MARCO: variants seen among roughly 807,000 people sequenced by gnomAD.
MARCO encodes the protein macrophage receptor with collagenous structure.
Under a neutral mutation model 70.0 loss-of-function variants are expected in MARCO, and 72 were observed. The observed-to-expected ratio is 1.03, with a 90% CI of 0.85 to 1.25. The LOEUF is 1.25. Among genes scored for constraint, MARCO ranks in the 50% most tolerant of loss-of-function variants. MARCO has a pLI of 0.00. For missense variants in MARCO, 696 were observed against 659.3 expected, an observed-to-expected ratio of 1.06 and a Z score of -0.61; for synonymous variants, 273 against 243.1, an observed-to-expected ratio of 1.12 and a Z score of -1.14.
chr2:118,976,465 C>A (rs1346697261), intron 6 of MARCO, among the ~76,000 whole-genome samples: 2 of 152,066 alleles, frequency 1.3e-5, no homozygotes, highest in African/African-American at 2.4e-5. Context: ...CACTTTGCCT[C>A]CTGGATCCCT....
intron 1 of MARCO, chr2:118,952,478 G>A (rs1049950268): frequency 3.9e-5 from 6 of 152,378 alleles, no homozygotes; most frequent in African/African-American, 1.4e-4. Context: ...CCATCCAGCA[G>A]TAGGACTTGT....
In MARCO at chr2:118,957,227, A is replaced by T. The variant is rs141152448; in HGVS notation, c.98-11933A>T. Among the ~76,000 whole-genome samples the T allele has an allele frequency of 5.6e-3, 854 of 152,172 alleles. 2 individuals carry two copies. Among genetic ancestry groups the T allele is most frequent in the Non-Finnish European group, 8.9e-3 (605 of 67,940 alleles). On this transcript the variant is annotated intron_variant, in intron 1 of 16. Transcript: ENST00000327097. ...GTTCTTTAAAATATAAACAAAATTG[A>T]TAGACCGTTAACAAGATAAACGAAG...
In MARCO at chr2:118,981,674, C is replaced by T. The variant is rs1455583270; in HGVS notation, c.901+18C>T. ...AGATCAAGGTAAGAACTACAGGAATCTGGGCATCATCCCAGCTACGACTGT... is the reference window on the plus strand; with the variant it reads ...AGATCAAGGTAAGAACTACAGGAATTTGGGCATCATCCCAGCTACGACTGT... On this transcript the variant is annotated intron_variant, in intron 10 of 16. Transcript: ENST00000327097. 6.2e-7 allele frequency: 1 copy of T among 1,611,870 alleles called. No homozygotes were observed. Among genetic ancestry groups the T allele is most frequent in the Non-Finnish European group, 8.5e-7 (1 of 1,178,314 alleles).
chr2:118,992,349 C>A, intron 14 of MARCO, 83 bp from the exon 15 acceptor site: 1 of 1,154,130 alleles, frequency 8.7e-7, no homozygotes, highest in Non-Finnish European at 1.3e-6. Context: ...CAACCCTCCA[C>A]CCGCTCCCCA....
At chr2:118,952,805 A>T (rs923748466) in intron 1 of MARCO, 1 of 152,170 alleles carries the variant, frequency 6.6e-6, no homozygotes, top group Non-Finnish European at 1.5e-5. Context: ...ATGCCCCCGG[A>T]GGAGAATGTA....
rs369018231 is a variant in MARCO, at chr2:118,942,371, T to C, written c.71T>C (p.Ile24Thr). 2.9e-5 allele frequency: 46 copies of C among 1,613,626 alleles called. No homozygotes were observed. Among genetic ancestry groups the C allele is most frequent in the Non-Finnish European group, 3.9e-5 (46 of 1,179,628 alleles). Residue 24 changes from isoleucine to threonine, a missense_variant, in exon 1 of 17, where the codon ATT (isoleucine) becomes ACT (threonine). Around this residue, in one of 3 missense-constraint regions of MARCO, gnomAD observed 605 missense variants for 537.6 expected, o/e 1.13. Coordinates refer to ENST00000327097, the MANE Select transcript of MARCO (RefSeq NM_006770.4). ...ACCCAACAAGCTGCTTTTCACCAAA[T>C]TGCAATGGAGCCTTTCGAAATCAAT... ...SETQQAAFHQ[I>T]AMEPFEINVP... is the part of the protein sequence containing the mutation.
intron 8 of MARCO, among the ~76,000 whole-genome samples, chr2:118,979,128 C>A (rs369574214): frequency 6.6e-5 from 10 of 152,276 alleles, no homozygotes; most frequent in Admixed American, 4.6e-4. Context: ...AACTGGGAAG[C>A]CTTGCCCTCA....
intron 8 of MARCO, among the ~76,000 whole-genome samples, chr2:118,981,109 C>G (rs1231772552): frequency 6.6e-6 from 1 of 152,312 alleles, no homozygotes; most frequent in East Asian, 1.9e-4. Context: ...GACACTAAAA[C>G]AAGCCAGACA....
intron 2 of MARCO, among the ~76,000 whole-genome samples, chr2:118,969,518 A>G (rs773479676): frequency 7.8e-4 from 118 of 152,228 alleles, no homozygotes; most frequent in Non-Finnish European, 1.2e-3. Flanking sequence ...CTAAGCAGTG[A>G]AAGACATCAT....
In MARCO at chr2:118,953,555, G is replaced by T. The variant is rs1271309098; in HGVS notation, c.97+11158G>T. Among the ~76,000 whole-genome samples, 7 of 152,256 alleles carry T rather than the reference G, an allele frequency of 4.6e-5. No individual in the cohort carries two copies. In the South Asian group the frequency reaches 1.2e-3, roughly 27 times the overall value. ...AAAGTTTTCTGGAGGTGGGGGGAAC[G>T]ATGGTGGATGAGAGGCGGGACTAGA... is the stretch of plus-strand genomic sequence containing the variant. On this transcript the variant is annotated intron_variant, in intron 1 of 16. Coordinates refer to ENST00000327097, the MANE Select transcript of MARCO (RefSeq NM_006770.4).
At chr2:118,946,573 G>A (rs1427019791) in intron 1 of MARCO, among the ~76,000 whole-genome samples, 1 of 152,126 alleles carries the variant, frequency 6.6e-6, no homozygotes, top group Non-Finnish European at 1.5e-5. Flanking sequence ...TTCACCCACT[G>A]AAGGACATTT....
chr2:118,990,565 C>A (rs769161731), intron 12 of MARCO, 24 bp from the exon 13 acceptor site: 2 of 1,565,522 alleles, frequency 1.3e-6, no homozygotes, highest in African/African-American at 1.3e-5. Context: ...CTCCTCCCCC[C>A]CCCCTTTTTT....
intron 16 of MARCO, 122 bp downstream of exon 16, chr2:118,993,422 C>A: frequency 2.0e-6 from 2 of 990,154 alleles, no homozygotes; most frequent in Non-Finnish European, 1.5e-6. Context: ...TTGGTCCAAG[C>A]AACCAAAAAG....
rs201264561 is a variant in MARCO, at chr2:118,970,343, G to T, written c.424+5G>T. The T allele has an allele frequency of 4.8e-5, 77 of 1,606,444 alleles. 1 individual carries two copies. In the Admixed American group the frequency reaches 9.8e-4, roughly 20 times the overall value. ...ACAACTTCACTCAGAACCCAGGTTTGGCCTCCTCCCCTCTGGGTCAGGACT... is the reference window on the plus strand; with the variant it reads ...ACAACTTCACTCAGAACCCAGGTTTTGCCTCCTCCCCTCTGGGTCAGGACT... On this transcript the variant is annotated splice_donor_5th_base_variant and intron_variant, in intron 3 of 16. Coordinates refer to ENST00000327097, the MANE Select transcript of MARCO (RefSeq NM_006770.4).
Position 118,969,549 on chromosome 2 carries a change from A to G in MARCO, c.199+288A>G, listed in dbSNP as rs147784395. 6.4e-4 allele frequency among the ~76,000 whole-genome samples: 98 copies of G among 152,354 alleles called. 3 individuals are homozygous for G. The East Asian group carries it at 0.019, about 29-fold the overall frequency. On this transcript the variant is annotated intron_variant, in intron 2 of 16. Transcript: ENST00000327097. ...ATCATAATTTCACACGGGGGATGACACACACTTCTGACATCTAAGACTCCC... is the reference window on the plus strand; with the variant it reads ...ATCATAATTTCACACGGGGGATGACGCACACTTCTGACATCTAAGACTCCC...
rs756644380 is a variant in MARCO at position 118,981,471 on chromosome 2, G to T, written c.829G>T (p.Gly277Trp). The T allele has an allele frequency of 1.3e-5, 20 of 1,598,668 alleles. No individual in the cohort carries two copies. Among genetic ancestry groups the T allele is most frequent in the Non-Finnish European group, 1.7e-5 (20 of 1,176,626 alleles). The change falls in exon 9 of 17, where the codon GGG becomes TGG. Residue 277 changes from glycine to tryptophan, a missense_variant. By Grantham distance (184) the Gly-to-Trp change is radical. This residue lies in a region of MARCO where 605 missense variants were observed against 537.6 expected (regional missense o/e 1.13). Transcript: ENST00000327097. ...GGTCATGGGGCCTCCTGGAGCCCAG[G>T]GGAGTAAAGGTGACTTCGGGAGGCC... ...AGVMGPPGAQ[G>W]SKGDFGRPGP...
At chr2:118,946,335 CA>C (rs1168249111) in intron 1 of MARCO, among the ~76,000 whole-genome samples, 1 of 152,142 alleles carries the variant, frequency 6.6e-6, no homozygotes, top group Non-Finnish European at 1.5e-5. Flanking sequence ...ACTCCCCCAC[CA>C]GCAGTCATCA....
chr2:118,981,775 GT>G (rs1008132614), intron 10 of MARCO, 119 bp downstream of exon 10: 3 of 1,068,356 alleles, frequency 2.8e-6, no homozygotes, highest in African/African-American at 1.6e-5. Flanking sequence ...AACACCTGGG[GT>G]TTTTTAGACA....
At chr2:118,976,639 C>A (rs1295485729) in intron 6 of MARCO, among the ~76,000 whole-genome samples, 2 of 152,198 alleles carry the variant, frequency 1.3e-5, no homozygotes, top group African/African-American at 4.8e-5. Context: ...CCAATTTTGT[C>A]TTAGAACACT....
Sources: gnomAD v4.1 joint callset for allele counts (sites outside exome capture counted in the v4.1 genomes callset) on GRCh38, gnomAD v4.1.1 for gene constraint, gnomAD v4.1.1 regional missense constraint, MANE v1.5 for transcripts, NCBI Gene and HGNC (gene_info 2026-07-23, HGNC 2026-07-21) for gene names.